The following TTI2 variants were observed in gnomAD, a reference collection of about 807,000 sequenced individuals.
TTI2 encodes TELO2-interacting protein 2.
A neutral mutation model predicts 44.9 loss-of-function variants in TTI2; 26 were observed. The ratio of observed to expected loss-of-function variants is 0.58; its 90% CI spans 0.42 to 0.80. TTI2 has a LOEUF of 0.80. Among genes scored for constraint, TTI2 ranks in the 30% least tolerant of loss-of-function variants. The pLI is 0.00. For synonymous variants in TTI2, 254 were observed against 250.9 expected, an observed-to-expected ratio of 1.01 and a Z score of -0.12; for missense variants, 582 against 611.6, an observed-to-expected ratio of 0.95 and a Z score of 0.51.
chr8:33,509,979 C>CAAA lies in TTI2; in HGVS notation c.648-50_648-48dup, dbSNP rs10588315. 1,913 of 417,544 alleles carry CAAA rather than the reference C, an allele frequency of 4.6e-3. 3 individuals are homozygous for CAAA. Among genetic ancestry groups the CAAA allele is most frequent in the South Asian group, 0.01 (409 of 40,152 alleles). 25.9% of individuals were successfully genotyped at this position (417,544 alleles called of 1,614,324 possible). A position where few individuals can be genotyped will look rare whatever the true frequency, so the allele number is the denominator to read the frequency against. ...CATTAAGTGACATGGTGATAAGTAG[C>CAAA]AAAAAAAAAAAAAAAAAAAACTACT... On this transcript the variant is annotated intron_variant, in intron 2 of 7. Transcript: ENST00000431156.
intron 3 of TTI2, 64 bp downstream of exon 3, chr8:33,509,682 A>C: frequency 6.7e-7 from 1 of 1,493,698 alleles, no homozygotes; most frequent in South Asian, 1.1e-5. Context: ...ACTAGAAATG[A>C]AGAACAGCCA....
Position 33,503,922 on chromosome 8 carries a change from C to T in TTI2, c.941G>A (p.Cys314Tyr). Residue 314 changes from cysteine (C) to tyrosine (Y), a missense_variant, in exon 5 of 8, where the codon TGT (cysteine) becomes TAT (tyrosine). Coordinates refer to ENST00000431156, the MANE Select transcript of TTI2 (RefSeq NM_001102401.4). Reference protein sequence around the residue: ...EHHLIQAVLLCLLDLFPILEK... With the variant: ...EHHLIQAVLLYLLDLFPILEK... ...CAGGATGGGGAATAAATCCAGCAGA[C>T]ACAGGAGCACAGCCTAGGAGGAAGG... The T allele has an allele frequency of 6.2e-7, 1 of 1,613,988 alleles. No individual in the cohort carries two copies. The highest frequency in any genetic ancestry group is 8.5e-7 in the Non-Finnish European group (1 of 1,180,010).
At chr8:33,509,132 C>CAAAAAAAAAAAAAA (rs751009227) in intron 3 of TTI2, among the ~76,000 whole-genome samples, 5 of 97,048 alleles carry the variant, frequency 5.2e-5, no homozygotes, top group East Asian at 3.1e-4. Context: ...GATAATGTCT[C>CAAAAAAAAAAAAAA]AAAAAAAAAA....
At position 33,499,133 on chromosome 8, in the gene TTI2, G is replaced by A; in HGVS notation, c.*40C>T. On this transcript the variant is annotated 3_prime_UTR_variant, in exon 8 of 8. Coordinates refer to ENST00000431156, the MANE Select transcript of TTI2 (RefSeq NM_001102401.4). ...TAACTCCATTCATACAAATTGGGAT[G>A]GGAAGAAAATCCTTTCCTCTTGGGA... 1.3e-6 allele frequency: 2 copies of A among 1,492,570 alleles called. No homozygotes were observed. The highest frequency in any genetic ancestry group is 1.9e-6 in the Non-Finnish European group (2 of 1,069,636). 92.5% of individuals were successfully genotyped at this position (1,492,570 alleles called of 1,614,324 possible). A position where few individuals can be genotyped will look rare whatever the true frequency, so the allele number is the denominator to read the frequency against.
chr8:33,505,995 G>A (rs1302984865), intron 4 of TTI2, among the ~76,000 whole-genome samples: 1 of 152,114 alleles, frequency 6.6e-6, no homozygotes, highest in Non-Finnish European at 1.5e-5. Context: ...ATGTTGGTCA[G>A]GTTGGTCTTG....
intron 4 of TTI2, among the ~76,000 whole-genome samples, chr8:33,506,952 C>T (rs1809320026): frequency 6.6e-6 from 1 of 152,162 alleles, no homozygotes; most frequent in South Asian, 2.1e-4. Context: ...CCCTCAGCCT[C>T]CCAAAGTGCT....
rs112654461 is a variant in TTI2, at chr8:33,511,401, G to A, written c.647+566C>T. Among the ~76,000 whole-genome samples, 544 of 152,188 alleles carry A rather than the reference G, an allele frequency of 3.6e-3. 4 individuals carry two copies. Among genetic ancestry groups the A allele is most frequent in the African/African-American group, 0.012 (519 of 41,526 alleles). The stretch of plus-strand genomic sequence containing the variant: ...ACAGAATTTCCAATTTTCCTAGGCA[G>A]TCGTCCTAAGGGCTGGAAAGAGCAT... On this transcript the variant is annotated intron_variant, in intron 2 of 7. Transcript: ENST00000431156.
At chr8:33,512,736 G>T in intron 1 of TTI2, 24 bp from the exon 2 acceptor site, 1 of 1,167,482 alleles carries the variant, frequency 8.6e-7, no homozygotes, top group Non-Finnish European at 1.2e-6. Context: ...AAATAAAACA[G>T]AGAGATGTCT....
chr8:33,500,663 C>G (rs1809042206), intron 6 of TTI2, 173 bp from the exon 7 acceptor site: 2 of 688,964 alleles, frequency 2.9e-6, no homozygotes, highest in Non-Finnish European at 2.3e-6. Flanking sequence ...AGATTTCTTA[C>G]CCTCAAGTCT....
chr8:33,512,368 C>T lies in TTI2; in HGVS notation c.246G>A (p.Leu82=). The change falls in exon 2 of 8, where the codon CTG becomes CTA. Residue 82 remains leucine, a synonymous_variant. Coordinates refer to ENST00000431156, the MANE Select transcript of TTI2 (RefSeq NM_001102401.4). ...TCTCCAGGGCTTTTGCTACCTGCCCCAGTGTCTCCGGCATTCCGCGGAGCC... is the reference window on the plus strand; with the variant it reads ...TCTCCAGGGCTTTTGCTACCTGCCCTAGTGTCTCCGGCATTCCGCGGAGCC... The part of the protein sequence containing the change: ...GARLRGMPET[L]GQVAKALEKY... 8.7e-6 allele frequency: 14 copies of T among 1,614,206 alleles called. No homozygotes were observed. The highest frequency in any genetic ancestry group is 1.1e-5 in the Non-Finnish European group (13 of 1,180,040).
intron 6 of TTI2, among the ~76,000 whole-genome samples, chr8:33,502,689 G>A (rs10094645): frequency 0.53 from 80,477 of 151,580 alleles, 21,762 homozygotes; most frequent in Non-Finnish European, 0.59. Flanking sequence ...AGCCAGGCAT[G>A]GTGGAGGGCA....
chr8:33,504,488 A>G (rs2676423), intron 4 of TTI2, among the ~76,000 whole-genome samples: 96,086 of 151,014 alleles, frequency 0.64, 30,859 homozygotes, highest in African/African-American at 0.68. Flanking sequence ...AGTAGAGACA[A>G]AGTTTCACCA....
At chr8:33,509,113 C>T (rs1176127567) in intron 3 of TTI2, among the ~76,000 whole-genome samples, 5 of 123,782 alleles carry the variant, frequency 4.0e-5, no homozygotes, top group Admixed American at 2.0e-4. Flanking sequence ...CCAGCCCAGG[C>T]GACAGAGTGA....
chr8:33,500,492 T>C lies in TTI2; in HGVS notation c.1260-2A>G. The C allele has an allele frequency of 6.2e-7, 1 of 1,614,032 alleles. No individual in the cohort carries two copies. Among genetic ancestry groups the C allele is most frequent in the Non-Finnish European group, 8.5e-7 (1 of 1,179,982 alleles). On this transcript the variant is annotated splice_acceptor_variant, in intron 6 of 7. Coordinates refer to ENST00000431156, the MANE Select transcript of TTI2 (RefSeq NM_001102401.4). LOFTEE classifies it high-confidence loss of function. The stretch of plus-strand genomic sequence containing the variant: ...AAGACCACAAGTCTGCAGGAAACTC[T>C]GGAATCAGGAAGAAAAGCTATGTTC...
chr8:33,503,700 A>G lies in TTI2; in HGVS notation c.1115+48T>C, dbSNP rs760961870. 7.4e-6 allele frequency: 12 copies of G among 1,611,166 alleles called. No homozygotes were observed. The South Asian group carries it at 1.3e-4, about 18-fold the overall frequency. ...CGAGAGCAGCTCAAGCAACATAGCA[A>G]GATCCTGTCTGTATAAAATAATAAT... On this transcript the variant is annotated intron_variant, in intron 5 of 7. Transcript: ENST00000431156.
intron 1 of TTI2, 174 bp downstream of exon 1, chr8:33,512,908 G>T (rs1284775518): frequency 3.9e-6 from 1 of 255,918 alleles, no homozygotes; most frequent in South Asian, 6.7e-5. Context: ...GAATAAAGAG[G>T]AAAGGACGCA....
chr8:33,508,241 GT>G (rs904032831), intron 3 of TTI2, among the ~76,000 whole-genome samples: 4 of 151,228 alleles, frequency 2.6e-5, no homozygotes, highest in African/African-American at 9.7e-5. Context: ...AATGTGTATA[GT>G]TTCCTCTTGC....
At chr8:33,507,359 T>C (rs1554527560) in intron 3 of TTI2, 38 bp from the exon 4 acceptor site, 5 of 1,582,356 alleles carry the variant, frequency 3.2e-6, no homozygotes, top group Non-Finnish European at 2.6e-6. Flanking sequence ...AAGAATAGTT[T>C]CCCAAGATTG....
At position 33,512,367 on chromosome 8, in the gene TTI2, C is replaced by CCAGT; in HGVS notation, c.243_246dup (p.Gly83ThrfsTer23). ...TTCTCCAGGGCTTTTGCTACCTGCC[C>CCAGT]CAGTGTCTCCGGCATTCCGCGGAGC... On this transcript the variant is annotated frameshift_variant, in exon 2 of 8. Coordinates refer to ENST00000431156, the MANE Select transcript of TTI2 (RefSeq NM_001102401.4). LOFTEE classifies it high-confidence loss of function. 6.2e-7 allele frequency: 1 copy of CCAGT among 1,614,202 alleles called. No homozygotes were observed. The highest frequency in any genetic ancestry group is 8.5e-7 in the Non-Finnish European group (1 of 1,180,042).
Sources: gnomAD v4.1 joint callset for allele counts (sites outside exome capture counted in the v4.1 genomes callset) on GRCh38, gnomAD v4.1.1 for gene constraint, MANE v1.5 for transcripts, NCBI Gene and HGNC (gene_info 2026-07-23, HGNC 2026-07-21) for gene names.